CNTN1: variants seen among roughly 807,000 people sequenced by gnomAD.
CNTN1 encodes contactin 1, also known as contactin-1.
Under a neutral mutation model 126.4 loss-of-function variants are expected in CNTN1, and 38 were observed. The ratio of observed to expected loss-of-function variants is 0.30; its 90% CI spans 0.23 to 0.39. CNTN1 has a LOEUF of 0.39. CNTN1 is among the 10% of genes least tolerant of loss of function. The probability of loss-of-function intolerance (pLI) is 1.00; values close to 1 mark genes in which losing one functional copy is unlikely to be tolerated. For missense variants in CNTN1, 1,009 were observed against 1,248.4 expected (o/e 0.81, Z 2.89); for synonymous variants, 413 against 422.6 (o/e 0.98, Z 0.28).
At chr12:40,842,257 A>G (rs1326888303) in intron 1 of CNTN1, among the ~76,000 whole-genome samples, 1 of 152,094 alleles carries the variant, frequency 6.6e-6, no homozygotes, top group Non-Finnish European at 1.5e-5. Flanking sequence ...ATTTATATTA[A>G]TTAGCTTGTT....
intron 23 of CNTN1, among the ~76,000 whole-genome samples, chr12:41,052,724 A>T (rs1193298371): frequency 7.2e-5 from 11 of 152,114 alleles, no homozygotes; most frequent in East Asian, 5.8e-4. Context: ...TAGCAAAAAA[A>T]GTTCTCTAGA....
At chr12:40,972,324 G>T in intron 15 of CNTN1, 3 of 985,066 alleles carry the variant, frequency 3.0e-6, no homozygotes, top group Non-Finnish European at 3.6e-6. Flanking sequence ...ATTCTTTCTG[G>T]GACTGCTTAA....
intron 23 of CNTN1, among the ~76,000 whole-genome samples, chr12:41,049,577 C>T (rs1363680001): frequency 6.6e-6 from 1 of 152,210 alleles, no homozygotes; most frequent in Non-Finnish European, 1.5e-5. Context: ...GCCTTGTCTC[C>T]AGGATTGTTG....
chr12:41,040,539 C>T (rs1289568719), intron 23 of CNTN1, among the ~76,000 whole-genome samples: 1 of 152,066 alleles, frequency 6.6e-6, no homozygotes, highest in African/African-American at 2.4e-5. Context: ...ATTCTTCCTA[C>T]CCATGAGCAT....
chr12:40,750,704 G>C (rs775378826), intron 1 of CNTN1, among the ~76,000 whole-genome samples: 2 of 151,842 alleles, frequency 1.3e-5, no homozygotes, highest in Non-Finnish European at 2.9e-5. Flanking sequence ...TCAGAAAAGA[G>C]GAAAAATGCT....
chr12:40,947,692 T>G lies in CNTN1; in HGVS notation c.1683+3522T>G, dbSNP rs993195100. On this transcript the variant is annotated intron_variant, in intron 14 of 23. Coordinates refer to ENST00000551295, the MANE Select transcript of CNTN1 (RefSeq NM_001843.4). ...CTTTCAACTGTTTAACAACATTCCCTGCTTAGAGCCATTAAGTTAGTTAAT... is the reference window on the plus strand; with the variant it reads ...CTTTCAACTGTTTAACAACATTCCCGGCTTAGAGCCATTAAGTTAGTTAAT... 2.6e-5 allele frequency among the ~76,000 whole-genome samples: 4 copies of G among 151,218 alleles called. No homozygotes were observed. The Admixed American group carries it at 2.6e-4, about 10-fold the overall frequency.
At chr12:40,932,329 C>T (rs910058796) in intron 7 of CNTN1, among the ~76,000 whole-genome samples, 1 of 151,944 alleles carries the variant, frequency 6.6e-6, no homozygotes, top group African/African-American at 2.4e-5. Flanking sequence ...CCTGCACATG[C>T]TGTCTCTTGC....
intron 12 of CNTN1, 97 bp from the exon 13 acceptor site, chr12:40,943,500 T>C (rs1946330350): frequency 9.8e-6 from 9 of 915,340 alleles, no homozygotes; most frequent in Admixed American, 2.1e-5. Flanking sequence ...TTATATAGAA[T>C]GTAATAATTG....
chr12:40,812,079 G>A (rs1007438160), intron 1 of CNTN1, among the ~76,000 whole-genome samples: 4 of 150,498 alleles, frequency 2.7e-5, no homozygotes, highest in Admixed American at 6.6e-5. Context: ...TTAAATTTCG[G>A]TATGTTGTGT....
In CNTN1 at chr12:41,050,949, C is replaced by G. The variant is rs966158049; in HGVS notation, c.2981-19010C>G. Among the ~76,000 whole-genome samples the G allele has an allele frequency of 4.6e-5, 7 of 151,998 alleles. No homozygotes were observed. In the East Asian group the frequency reaches 1.4e-3, roughly 29 times the overall value. On this transcript the variant is annotated intron_variant, in intron 23 of 23. Coordinates refer to ENST00000551295, the MANE Select transcript of CNTN1 (RefSeq NM_001843.4). ...TATGTGGCCCTTTAGAGATCCAAAA[C>G]TATTATGAGATTTCAGATTTTCCCA... is the stretch of plus-strand genomic sequence containing the variant.
chr12:40,732,347 C>T (rs888259611), intron 1 of CNTN1, among the ~76,000 whole-genome samples: 7 of 151,948 alleles, frequency 4.6e-5, no homozygotes, highest in Admixed American at 2.0e-4. Context: ...ATTAAGAGAA[C>T]ATTCCCGCAT....
At chr12:40,782,352 T>C (rs1939836694) in intron 1 of CNTN1, among the ~76,000 whole-genome samples, 1 of 152,006 alleles carries the variant, frequency 6.6e-6, no homozygotes, top group African/African-American at 2.4e-5. Flanking sequence ...ACTGATTTTA[T>C]AAATGTAATT....
chr12:40,848,825 GT>G (rs11318215), intron 1 of CNTN1, among the ~76,000 whole-genome samples: 52,579 of 135,634 alleles, frequency 0.39, 9,512 homozygotes, highest in East Asian at 0.54. Context: ...CACCAGGTGT[GT>G]TTTTTTTTTT....
In CNTN1 at chr12:40,904,262, T is replaced by C. The variant is rs554389579; in HGVS notation, c.-76-4095T>C. 5.4e-4 allele frequency among the ~76,000 whole-genome samples: 82 copies of C among 152,006 alleles called. No homozygotes were observed. The East Asian group carries it at 6.0e-3, about 11-fold the overall frequency. On this transcript the variant is annotated intron_variant, in intron 1 of 23. Coordinates refer to ENST00000551295, the MANE Select transcript of CNTN1 (RefSeq NM_001843.4). ...CTCAATCTCCTGACCTCGTGATCCG[T>C]CCACCTTGGCCTCCCAAAGTGCTGG...
chr12:40,762,438 T>A (rs952885366), intron 1 of CNTN1, among the ~76,000 whole-genome samples: 3 of 152,228 alleles, frequency 2.0e-5, no homozygotes, highest in African/African-American at 4.8e-5. Context: ...AACATTTAAA[T>A]GTTCTTAAGA....
At chr12:40,826,372 C>T (rs563262895) in intron 1 of CNTN1, among the ~76,000 whole-genome samples, 6 of 151,982 alleles carry the variant, frequency 3.9e-5, no homozygotes, top group Admixed American at 1.3e-4. Flanking sequence ...TATTATAAAA[C>T]AAAGTGTATG....
chr12:40,844,161 G>A (rs1275652545), intron 1 of CNTN1, among the ~76,000 whole-genome samples: 1 of 145,494 alleles, frequency 6.9e-6, no homozygotes, highest in African/African-American at 2.5e-5. Flanking sequence ...TCCGCCTCCA[G>A]GGTTCAAGCG....
At chr12:40,980,362 T>C (rs1947788997) in intron 15 of CNTN1, among the ~76,000 whole-genome samples, 1 of 150,502 alleles carries the variant, frequency 6.6e-6, no homozygotes. Context: ...GAGGATCTCT[T>C]GAGCTGGGGA....
At chr12:40,775,096 C>T (rs1351643150) in intron 1 of CNTN1, among the ~76,000 whole-genome samples, 1 of 151,132 alleles carries the variant, frequency 6.6e-6, no homozygotes, top group Non-Finnish European at 1.5e-5. Context: ...GCTCTTATTC[C>T]TTCTATCTTA....
Sources: gnomAD v4.1 joint callset for allele counts (sites outside exome capture counted in the v4.1 genomes callset) on GRCh38, gnomAD v4.1.1 for gene constraint, MANE v1.5 for transcripts, NCBI Gene and HGNC (gene_info 2026-07-23, HGNC 2026-07-21) for gene names.